CSGALNACT1: variants seen among roughly 807,000 people sequenced by gnomAD.
CSGALNACT1 encodes the protein beta4GalNAcT-1.
Under a neutral mutation model 51.0 loss-of-function variants are expected in CSGALNACT1, and 52 were observed. That is an observed-to-expected ratio of 1.02 (90% CI 0.82 to 1.29). The LOEUF (loss-of-function observed/expected upper bound fraction) is 1.29. Ranked by LOEUF, CSGALNACT1 falls within the 50% of genes most tolerant of loss-of-function variation. The pLI is 0.00. For synonymous variants in CSGALNACT1, 341 were observed against 254.4 expected (o/e 1.34, Z -3.24); for missense variants, 935 against 679.2 (o/e 1.38, Z -4.19).
chr8:19,553,902 A>AACACAC lies in CSGALNACT1; in HGVS notation c.-297+37252_-297+37257dup, dbSNP rs34664028. Among the ~76,000 whole-genome samples the AACACAC allele has an allele frequency of 5.3e-3, 788 of 147,554 alleles. 5 individuals are homozygous for AACACAC. The highest frequency in any genetic ancestry group is 0.018 in the African/African-American group (720 of 40,074). ...TCACCGAACAAGAAAGAACTCGTAG[A>AACACAC]ACACACACACACACACACACACACC... On this transcript the variant is annotated intron_variant, in intron 3 of 9. Transcript: ENST00000454498.
chr8:19,728,961 A>T (rs780579440), intron 1 of CSGALNACT1, among the ~76,000 whole-genome samples: 29 of 152,168 alleles, frequency 1.9e-4, no homozygotes, highest in Admixed American at 7.2e-4. Flanking sequence ...TTACTAAACA[A>T]GTTTACTAAG....
chr8:19,744,699 G>C (rs920703446), intron 1 of CSGALNACT1, among the ~76,000 whole-genome samples: 2 of 152,158 alleles, frequency 1.3e-5, no homozygotes, highest in African/African-American at 4.8e-5. Context: ...TTTCTGTTTG[G>C]TTTCTCCAAG....
chr8:19,441,941 T>G (rs1440669128), intron 5 of CSGALNACT1, among the ~76,000 whole-genome samples: 1 of 152,164 alleles, frequency 6.6e-6, no homozygotes, highest in East Asian at 1.9e-4. Context: ...AAGAAGACAT[T>G]TATGCAGCCA....
intron 1 of CSGALNACT1, among the ~76,000 whole-genome samples, chr8:19,627,226 C>G (rs1182732371): frequency 6.6e-6 from 1 of 152,146 alleles, no homozygotes; most frequent in South Asian, 2.1e-4. Context: ...AAAAAGCAAT[C>G]AACCACTAAT....
chr8:19,706,360 G>C (rs1290239395), intron 1 of CSGALNACT1, among the ~76,000 whole-genome samples: 1 of 152,174 alleles, frequency 6.6e-6, no homozygotes, highest in Non-Finnish European at 1.5e-5. Flanking sequence ...ATCCTCAAAG[G>C]AAGTGTTACT....
At chr8:19,591,793 T>G (rs1230767126) in intron 2 of CSGALNACT1, among the ~76,000 whole-genome samples, 1 of 151,988 alleles carries the variant, frequency 6.6e-6, no homozygotes, top group Non-Finnish European at 1.5e-5. Flanking sequence ...TAAAATAATA[T>G]AAAGGGATAA....
Position 19,471,142 on chromosome 8 carries a change from A to G in CSGALNACT1, c.635-12500T>C, listed in dbSNP as rs530647819. On this transcript the variant is annotated intron_variant, in intron 4 of 9. Coordinates refer to ENST00000454498, the Ensembl canonical transcript of CSGALNACT1. ...AGGAGAGAGAGGGGAGAGAGAGAGA[A>G]AAAAAAAGGTGAAGTATGATCTTGG... is the stretch of plus-strand genomic sequence containing the variant. Among the ~76,000 whole-genome samples, 9 of 148,886 alleles carry G rather than the reference A, an allele frequency of 6.0e-5. No individual in the cohort carries two copies. The South Asian group carries it at 8.4e-4, about 14-fold the overall frequency.
At chr8:19,458,453 T>G in exon 5 of CSGALNACT1, 1 of 1,614,208 alleles carries the variant, frequency 6.2e-7, no homozygotes, top group Non-Finnish European at 8.5e-7. Flanking sequence ...CTGCCGGAAC[T>G]TGTCCACCCT....
chr8:19,407,761 T>G (rs1389511809), intron 9 of CSGALNACT1, among the ~76,000 whole-genome samples: 1 of 152,074 alleles, frequency 6.6e-6, no homozygotes, highest in Non-Finnish European at 1.5e-5. Flanking sequence ...TGTGGACATT[T>G]GTGTATATGA....
intron 1 of CSGALNACT1, among the ~76,000 whole-genome samples, chr8:19,609,656 T>TG (rs2051915396): frequency 3.1e-5 from 3 of 98,140 alleles, no homozygotes; most frequent in African/African-American, 8.0e-5. Flanking sequence ...GGATGGGGGT[T>TG]GGGGGGTGAG....
At chr8:19,459,009 A>C (rs2064770313) in intron 4 of CSGALNACT1, among the ~76,000 whole-genome samples, 2 of 152,194 alleles carry the variant, frequency 1.3e-5, no homozygotes, top group Non-Finnish European at 2.9e-5. Flanking sequence ...CTAGTATCCA[A>C]ATTTCCTGCA....
At chr8:19,538,099 T>A (rs770031889) in intron 3 of CSGALNACT1, among the ~76,000 whole-genome samples, 18 of 151,972 alleles carry the variant, frequency 1.2e-4, no homozygotes, top group Non-Finnish European at 2.6e-4. Context: ...AGGAGGATGC[T>A]TGAGGCCAGG....
intron 1 of CSGALNACT1, among the ~76,000 whole-genome samples, chr8:19,643,248 T>C (rs1356526662): frequency 6.6e-6 from 1 of 152,162 alleles, no homozygotes; most frequent in Non-Finnish European, 1.5e-5. Flanking sequence ...ACTAGGACAA[T>C]GCTTTCAGCT....
intron 3 of CSGALNACT1, among the ~76,000 whole-genome samples, chr8:19,514,550 GTGGCTCTCGCCTGTAATCC>G (rs2079144744): frequency 7.3e-6 from 1 of 137,586 alleles, no homozygotes; most frequent in Non-Finnish European, 1.5e-5. Context: ...GCCAGGCACA[GTGGCTCTCGCCTGTAATCC>G]TAGTGCTTAG....
chr8:19,471,315 C>T (rs997307690), intron 4 of CSGALNACT1, among the ~76,000 whole-genome samples: 10 of 151,950 alleles, frequency 6.6e-5, no homozygotes, highest in Non-Finnish European at 1.3e-4. Context: ...GGGGAAGAGG[C>T]GAGCCTATAA....
At chr8:19,548,207 G>C (rs1588154408) in intron 3 of CSGALNACT1, among the ~76,000 whole-genome samples, 1 of 152,190 alleles carries the variant, frequency 6.6e-6, no homozygotes. Context: ...TTTCCTCAAG[G>C]ATAGCAAATC....
intron 3 of CSGALNACT1, among the ~76,000 whole-genome samples, chr8:19,589,054 T>C (rs2047256753): frequency 6.6e-6 from 1 of 152,220 alleles, no homozygotes; most frequent in Non-Finnish European, 1.5e-5. Flanking sequence ...CACGGAGCTC[T>C]TGACAGCAAA....
At chr8:19,448,520 A>G (rs895041702) in intron 5 of CSGALNACT1, among the ~76,000 whole-genome samples, 4 of 152,180 alleles carry the variant, frequency 2.6e-5, no homozygotes, top group African/African-American at 9.7e-5. Context: ...GAGCCATAAT[A>G]TAATGCAGGA....
At chr8:19,714,043 AC>A (rs1365625569) in intron 1 of CSGALNACT1, among the ~76,000 whole-genome samples, 1 of 151,984 alleles carries the variant, frequency 6.6e-6, no homozygotes, top group Non-Finnish European at 1.5e-5. Flanking sequence ...CACCCAAAGC[AC>A]TCTCCAGCTT....
Sources: allele counts gnomAD v4.1 joint callset (sites outside exome capture counted in the v4.1 genomes callset), GRCh38; gene constraint gnomAD v4.1.1; transcripts MANE v1.5; gene names NCBI Gene and HGNC (gene_info 2026-07-23, HGNC 2026-07-21).